The following MYRF variants were observed in gnomAD, a reference collection of about 807,000 sequenced individuals.
MYRF encodes the protein myelin regulatory factor, also known as myelin gene regulatory factor.
Under a neutral mutation model 126.3 loss-of-function variants are expected in MYRF, and 16 were observed. The observed-to-expected ratio is 0.13, with a 90% CI of 0.09 to 0.19. The LOEUF (loss-of-function observed/expected upper bound fraction) is 0.19. Ranked by LOEUF, MYRF falls within the 10% of genes least tolerant of loss-of-function variation. The pLI is 1.00. For synonymous variants in MYRF, 608 were observed against 635.3 expected (o/e 0.96, Z 0.65); for missense variants, 1,104 against 1,547.0 (o/e 0.71, Z 4.80).
At chr11:61,770,172 GC>G in intron 4 of MYRF, 73 bp from the exon 5 acceptor site, 1 of 1,402,684 alleles carries the variant, frequency 7.1e-7, no homozygotes, top group Non-Finnish European at 9.5e-7. Flanking sequence ...AGGAGACTCT[GC>G]CTTGGGGAGG....
rs763614791 is a variant in MYRF, at chr11:61,766,132, C to A, written c.309C>A (p.Asn103Lys). 10 of 1,610,846 alleles carry A rather than the reference C, an allele frequency of 6.2e-6. No individual in the cohort carries two copies. The Admixed American group carries it at 1.7e-4, about 27-fold the overall frequency. Reference protein sequence around the residue: ...PGYGTPLNCNNNNGMGAAPKP... With the variant: ...PGYGTPLNCNKNNGMGAAPKP... ...ACGGCACCCCGCTGAACTGCAACAACAACAACGGCATGGGCGCTGCCCCCA... is the reference window on the plus strand; with the variant it reads ...ACGGCACCCCGCTGAACTGCAACAAAAACAACGGCATGGGCGCTGCCCCCA... The change falls in exon 3 of 27, where the codon AAC (asparagine) becomes AAA (lysine). Residue 103 changes from asparagine (N) to lysine (K), a missense_variant. Coordinates refer to ENST00000278836, the MANE Select transcript of MYRF (RefSeq NM_001127392.3).
At position 61,779,846 on chromosome 11, in the gene MYRF, C is replaced by T. The variant is rs769451102; in HGVS notation, c.2252C>T (p.Ser751Leu). 12 of 1,613,696 alleles carry T rather than the reference C, an allele frequency of 7.4e-6. No individual in the cohort carries two copies. Among genetic ancestry groups the T allele is most frequent in the Admixed American group, 3.3e-5 (2 of 59,996 alleles). ...KRPPKVASKS[S>L]SVVPDQACIS... ...ACTTTTCCTCTTGGTCCTCAGTCATCGTCCGTGGTTCCGGACCAGGCCTGC... is the reference window on the plus strand; with the variant it reads ...ACTTTTCCTCTTGGTCCTCAGTCATTGTCCGTGGTTCCGGACCAGGCCTGC... Residue 751 changes from serine to leucine, a missense_variant, in exon 17 of 27, where the codon TCG becomes TTG. Transcript: ENST00000278836.
At position 61,757,592 on chromosome 11, in the gene MYRF, C is replaced by T. The variant is rs1039740789; in HGVS notation, c.46+4802C>T. On this transcript the variant is annotated intron_variant, in intron 1 of 26. Coordinates refer to ENST00000278836, the MANE Select transcript of MYRF (RefSeq NM_001127392.3). This position sits in a 1 kb window ranked among gnomAD's most constrained non-coding sequence, Gnocchi z 4.7. The stretch of plus-strand genomic sequence containing the variant: ...GTGCAAGGCCTGAACCATGACAGCT[C>T]TGGCCCAGCGTGGCCTGGTCCTGGT... The T allele has an allele frequency of 2.2e-6, 1 of 456,254 alleles. No homozygotes were observed. 28.3% of individuals were successfully genotyped at this position (456,254 alleles called of 1,614,324 possible).
rs2066606516 is a variant in MYRF at position 61,783,458 on chromosome 11, A to C, written c.3017-40A>C. The C allele has an allele frequency of 6.6e-7, 1 of 1,517,684 alleles. No individual in the cohort carries two copies. Among genetic ancestry groups the C allele is most frequent in the South Asian group, 1.1e-5 (1 of 88,832 alleles). The allele number at this position is 1,517,684 out of a possible 1,614,324, so 94.0% of individuals were successfully genotyped here. A position where few individuals can be genotyped will look rare whatever the true frequency, so the allele number is the denominator to read the frequency against. The stretch of plus-strand genomic sequence containing the variant: ...GCAAGGAAAGACTTGCCAGCTTCTC[A>C]TTTGTGTCCTGCCTTGTCACCTTAC... On this transcript the variant is annotated intron_variant, in intron 22 of 26. Coordinates refer to ENST00000278836, the MANE Select transcript of MYRF (RefSeq NM_001127392.3). The surrounding 1 kb of genome is among the most constrained non-coding windows in gnomAD (Gnocchi z 4.6).
Position 61,778,326 on chromosome 11 carries a change from T to C in MYRF, c.1904-54T>C. ...GCTCCCACTGTACATTACAAAGCTG[T>C]GAGTAGCCCTTTACCACCCCCCCAC... On this transcript the variant is annotated intron_variant, in intron 13 of 26. Transcript: ENST00000278836. The surrounding 1 kb of genome is among the most constrained non-coding windows in gnomAD (Gnocchi z 4.6). 8.5e-7 allele frequency: 1 copy of C among 1,174,808 alleles called. No individual in the cohort carries two copies. The highest frequency in any genetic ancestry group is 1.3e-6 in the Non-Finnish European group (1 of 780,638). The allele number at this position is 1,174,808 out of a possible 1,614,324, so 72.8% of individuals were successfully genotyped here.
In MYRF at chr11:61,774,069, G is replaced by A; in HGVS notation, c.1218G>A (p.Val406=). ...AGAAGAACCACTTCCAGGTGACAGTGTACATCGGCATGCTGGGCGAGCCCA... is the reference window on the plus strand; with the variant it reads ...AGAAGAACCACTTCCAGGTGACAGTATACATCGGCATGCTGGGCGAGCCCA... ...CQKKNHFQVT[V]YIGMLGEPKY... is the part of the protein sequence containing the mutation. Residue 406 remains valine (V), a synonymous_variant, in exon 8 of 27, where the codon GTG becomes GTA. Coordinates refer to ENST00000278836, the MANE Select transcript of MYRF (RefSeq NM_001127392.3). 1 of 1,613,958 alleles carries A rather than the reference G, an allele frequency of 6.2e-7. No individual in the cohort carries two copies. Among genetic ancestry groups the A allele is most frequent in the Non-Finnish European group, 8.5e-7 (1 of 1,180,006 alleles).
chr11:61,771,815 TTCCC>T lies in MYRF; in HGVS notation c.992-6_992-3del. 1 of 1,614,006 alleles carries T rather than the reference TTCCC, an allele frequency of 6.2e-7. No individual in the cohort carries two copies. The highest frequency in any genetic ancestry group is 8.5e-7 in the Non-Finnish European group (1 of 1,179,972). On this transcript the variant is annotated splice_polypyrimidine_tract_variant and intron_variant, in intron 6 of 26. Coordinates refer to ENST00000278836, the MANE Select transcript of MYRF (RefSeq NM_001127392.3). Reference sequence around the variant, plus strand: ...CCAAGGTGCAGGGCCCACATGGGCGTTCCCTCCCTCCAGGCCTCCTGCAGGACAG... The same window carrying T: ...CCAAGGTGCAGGGCCCACATGGGCGTTCCCTCCAGGCCTCCTGCAGGACAG...
rs374112596 is a variant in MYRF at position 61,787,757 on chromosome 11, G to A, written c.*1614G>A. ...GCTGAGCCTTCCTTATGATGACTTT[G>A]TTCTCCCTCCCACTGGGGGAATCCT... On this transcript the variant is annotated 3_prime_UTR_variant, in exon 27 of 27. Transcript: ENST00000278836. The A allele has an allele frequency of 6.6e-6, 1 of 152,670 alleles. No individual in the cohort carries two copies. The highest frequency in any genetic ancestry group is 2.4e-5 in the African/African-American group (1 of 41,408). 9.5% of individuals were successfully genotyped at this position (152,670 alleles called of 1,614,324 possible). A position where few individuals can be genotyped will look rare whatever the true frequency, so the allele number is the denominator to read the frequency against.
Position 61,778,626 on chromosome 11 carries a change from G to A in MYRF, c.2013+137G>A, listed in dbSNP as rs1329006591. The A allele has an allele frequency of 1.4e-6, 1 of 696,182 alleles. No individual in the cohort carries two copies. Among genetic ancestry groups the A allele is most frequent in the Non-Finnish European group, 2.6e-6 (1 of 383,772 alleles). 43.1% of individuals were successfully genotyped at this position (696,182 alleles called of 1,614,324 possible). A position where few individuals can be genotyped will look rare whatever the true frequency, so the allele number is the denominator to read the frequency against. Reference sequence around the variant, plus strand: ...CCTCGGCTCTCATGCTGCCTCCAGAGCGCCCTCTGCACCCCACAGGGAAGG... The same window carrying A: ...CCTCGGCTCTCATGCTGCCTCCAGAACGCCCTCTGCACCCCACAGGGAAGG... On this transcript the variant is annotated intron_variant, in intron 14 of 26. Coordinates refer to ENST00000278836, the MANE Select transcript of MYRF (RefSeq NM_001127392.3). This position sits in a 1 kb window ranked among gnomAD's most constrained non-coding sequence, Gnocchi z 4.6.
In MYRF at chr11:61,781,594, T is replaced by C. The variant is rs1188732636; in HGVS notation, c.2786T>C (p.Leu929Pro). Residue 929 changes from leucine (L) to proline (P), a missense_variant, in exon 22 of 27, where the codon CTG becomes CCG. Physicochemically the swap from Leu to Pro is moderately conservative, Grantham distance 98 (BLOSUM62 -3). Around this residue, in one of 10 missense-constraint regions of MYRF, gnomAD observed 323 missense variants for 383.1 expected, o/e 0.84. Transcript: ENST00000278836. ...NRSGPSQMAL[L>P]PVTNIRAKSW... ...ACAGGCCCCAGCCAGATGGCCCTTC[T>C]GCCAGTCACCAACATCAGAGCCAAG... The C allele has an allele frequency of 1.2e-6, 2 of 1,613,834 alleles. No homozygotes were observed. The highest frequency in any genetic ancestry group is 1.7e-5 in the Admixed American group (1 of 60,012).
chr11:61,771,505 C>A lies in MYRF; in HGVS notation c.746C>A (p.Pro249His). 1 of 1,613,078 alleles carries A rather than the reference C, an allele frequency of 6.2e-7. No individual in the cohort carries two copies. The highest frequency in any genetic ancestry group is 8.5e-7 in the Non-Finnish European group (1 of 1,179,422). The change falls in exon 6 of 27, where the codon CCT (proline) becomes CAT (histidine). Residue 249 changes from proline to histidine, a missense_variant. Coordinates refer to ENST00000278836, the MANE Select transcript of MYRF (RefSeq NM_001127392.3). ...GCACACTTCTGTTTCCCCAGGCTCC[C>A]TACACACCCCTCCAAGAAGAGGAAG... Reference protein sequence around the residue: ...QLLQQHGAELPTHPSKKRKHS... With the variant: ...QLLQQHGAELHTHPSKKRKHS...
At chr11:61,755,390 A>C in intron 1 of MYRF, 1 of 1,600,162 alleles carries the variant, frequency 6.2e-7, no homozygotes, top group African/African-American at 1.3e-5. Flanking sequence ...ATCGGCGGGC[A>C]CAGGGCCTGC....
At chr11:61,775,699 T>G in intron 8 of MYRF, among the ~76,000 whole-genome samples, 1 of 137,442 alleles carries the variant, frequency 7.3e-6, no homozygotes, top group African/African-American at 2.8e-5. Flanking sequence ...TGAGGGAGGG[T>G]GGGGCTGTGA....
intron 25 of MYRF, 82 bp downstream of exon 25, chr11:61,784,467 G>A: frequency 8.9e-7 from 1 of 1,128,884 alleles, no homozygotes; most frequent in Non-Finnish European, 1.3e-6. Context: ...AATGGGCAAG[G>A]AGCAGAAGCT....
chr11:61,777,524 GGGCTCCTGGGGA>G lies in MYRF; in HGVS notation c.1791+63_1791+74del. 1.3e-6 allele frequency: 2 copies of G among 1,522,448 alleles called. No homozygotes were observed. The highest frequency in any genetic ancestry group is 1.8e-6 in the Non-Finnish European group (2 of 1,126,582). The allele number at this position is 1,522,448 out of a possible 1,614,324, so 94.3% of individuals were successfully genotyped here. A position where few individuals can be genotyped will look rare whatever the true frequency, so the allele number is the denominator to read the frequency against. The stretch of plus-strand genomic sequence containing the variant: ...GACGCTGGAGCGGGCCGCGGGGGCG[GGGCTCCTGGGGA>G]GGGGGCGTGACTACGCGGAAAGGCG... On this transcript the variant is annotated intron_variant, in intron 12 of 26. Coordinates refer to ENST00000278836, the MANE Select transcript of MYRF (RefSeq NM_001127392.3). The surrounding 1 kb of genome is among the most constrained non-coding windows in gnomAD (Gnocchi z 8.8).
chr11:61,771,555 C>G lies in MYRF; in HGVS notation c.796C>G (p.Leu266Val), dbSNP rs200676498. ...RKHSESPPST[L>V]NAQMLNGMIK... is the part of the protein sequence containing the mutation. The stretch of plus-strand genomic sequence containing the variant: ...GCACTCTGAATCCCCCCCCAGCACC[C>G]TCAATGCCCAGATGCTGAATGGAAT... The change falls in exon 6 of 27, where the codon CTC becomes GTC. Residue 266 changes from leucine (L) to valine (V), a missense_variant. Leu to Val is a conservative substitution (Grantham distance 32). Around this residue, in one of 10 missense-constraint regions of MYRF, gnomAD observed 368 missense variants for 403.9 expected, o/e 0.91. Coordinates refer to ENST00000278836, the MANE Select transcript of MYRF (RefSeq NM_001127392.3). 7 of 1,613,974 alleles carry G rather than the reference C, an allele frequency of 4.3e-6. No homozygotes were observed. The highest frequency in any genetic ancestry group is 5.9e-6 in the Non-Finnish European group (7 of 1,179,948).
At chr11:61,764,322 C>T (rs1277567496) in intron 1 of MYRF, among the ~76,000 whole-genome samples, 1 of 152,218 alleles carries the variant, frequency 6.6e-6, no homozygotes, top group Non-Finnish European at 1.5e-5. Context: ...GCTGTTCCGA[C>T]CGATGAGCAC....
At chr11:61,764,247 C>G (rs1283294063) in intron 1 of MYRF, among the ~76,000 whole-genome samples, 1 of 152,198 alleles carries the variant, frequency 6.6e-6, no homozygotes, top group African/African-American at 2.4e-5. Context: ...CGGCTGAGGC[C>G]AGGGAGGGGC....
chr11:61,755,228 C>T (rs759950951), intron 1 of MYRF, among the ~76,000 whole-genome samples: 69 of 152,302 alleles, frequency 4.5e-4, no homozygotes, highest in Non-Finnish European at 7.4e-4. Context: ...AGCATAGGTG[C>T]TGGGTCCTGC....
Sources: gnomAD v4.1 joint callset for allele counts (sites outside exome capture counted in the v4.1 genomes callset) on GRCh38, gnomAD v4.1.1 for gene constraint, gnomAD v4.1.1 regional missense constraint, Gnocchi (gnomAD v3.1) non-coding constraint, MANE v1.5 for transcripts, NCBI Gene and HGNC (gene_info 2026-07-23, HGNC 2026-07-21) for gene names.